Variants in OLA1 observed in about 807,000 individuals in gnomAD.
OLA1 encodes obg-like ATPase 1.
In OLA1, 14 loss-of-function variants were observed where a neutral mutation model predicts 48.4. That is an observed-to-expected ratio of 0.29 (90% CI 0.19 to 0.45). OLA1 has a LOEUF of 0.45. Among genes scored for constraint, OLA1 ranks in the 20% least tolerant of loss-of-function variants. The pLI, the probability that OLA1 is intolerant of heterozygous loss-of-function variation, is 1.00. For missense variants in OLA1, 325 were observed against 467.1 expected, an observed-to-expected ratio of 0.70 and a Z score of 2.80; for synonymous variants, 127 against 150.4, an observed-to-expected ratio of 0.84 and a Z score of 1.14.
chr2:174,076,603 G>A (rs1558942079), intron 10 of OLA1, among the ~76,000 whole-genome samples: 1 of 151,976 alleles, frequency 6.6e-6, no homozygotes, highest in Non-Finnish European at 1.5e-5. Flanking sequence ...CAACAAACCA[G>A]ATTGCAGAGC....
At chr2:174,185,620 A>T (rs1326629696) in intron 4 of OLA1, among the ~76,000 whole-genome samples, 1 of 152,134 alleles carries the variant, frequency 6.6e-6, no homozygotes, top group Non-Finnish European at 1.5e-5. Context: ...TTACACAAAC[A>T]AACTGATCTT....
At chr2:174,160,583 T>C (rs1347151916) in intron 4 of OLA1, among the ~76,000 whole-genome samples, 1 of 152,184 alleles carries the variant, frequency 6.6e-6, no homozygotes, top group African/African-American at 2.4e-5. Context: ...TGCCAATATA[T>C]TAAAAATAAG....
intron 5 of OLA1, among the ~76,000 whole-genome samples, chr2:174,134,499 A>T (rs2105375149): frequency 6.6e-6 from 1 of 152,286 alleles, no homozygotes; most frequent in East Asian, 1.9e-4. Context: ...GTATTATAAC[A>T]TTTTTACTCC....
At chr2:174,084,190 G>T (rs1434104927) in intron 7 of OLA1, among the ~76,000 whole-genome samples, 1 of 152,190 alleles carries the variant, frequency 6.6e-6, no homozygotes, top group African/African-American at 2.4e-5. Flanking sequence ...ATCTCAAAGT[G>T]TTGACAGATG....
chr2:174,203,719 T>C (rs1013986920), intron 4 of OLA1, among the ~76,000 whole-genome samples: 3 of 152,146 alleles, frequency 2.0e-5, no homozygotes, highest in African/African-American at 7.2e-5. Flanking sequence ...TTATTTTATT[T>C]TACTGAAATA....
At chr2:174,125,191 A>G (rs947070473) in intron 5 of OLA1, among the ~76,000 whole-genome samples, 4 of 152,244 alleles carry the variant, frequency 2.6e-5, no homozygotes, top group Non-Finnish European at 1.5e-5. Flanking sequence ...TTGGCACTGC[A>G]TATACAACCT....
intron 7 of OLA1, among the ~76,000 whole-genome samples, chr2:174,095,263 C>T (rs1185951711): frequency 6.6e-6 from 1 of 151,144 alleles, no homozygotes; most frequent in African/African-American, 2.4e-5. Flanking sequence ...CTTTTACATT[C>T]CTACCAGTAC....
intron 4 of OLA1, among the ~76,000 whole-genome samples, chr2:174,218,603 T>A (rs912252261): frequency 6.6e-6 from 1 of 152,200 alleles, no homozygotes; most frequent in Admixed American, 6.5e-5. Context: ...CTGCACATAT[T>A]CAAACAAGAA....
intron 4 of OLA1, among the ~76,000 whole-genome samples, chr2:174,203,459 T>C (rs1202901406): frequency 7.3e-6 from 1 of 136,520 alleles, no homozygotes; most frequent in African/African-American, 2.7e-5. Flanking sequence ...ACTGTCTAGC[T>C]AACATCTTTT....
chr2:174,157,576 G>A (rs1686916608), intron 4 of OLA1, among the ~76,000 whole-genome samples: 1 of 152,208 alleles, frequency 6.6e-6, no homozygotes, highest in African/African-American at 2.4e-5. Context: ...TTTGAAACTA[G>A]TGTTTAAATG....
chr2:174,212,165 T>C (rs768715648), intron 4 of OLA1, among the ~76,000 whole-genome samples: 1 of 152,218 alleles, frequency 6.6e-6, no homozygotes, highest in Non-Finnish European at 1.5e-5. Context: ...CTAGATGGTA[T>C]AACCTACTAC....
chr2:174,181,113 T>C (rs1687523281), intron 4 of OLA1, among the ~76,000 whole-genome samples: 1 of 152,134 alleles, frequency 6.6e-6, no homozygotes, highest in East Asian at 1.9e-4. Context: ...CATTCTAGTA[T>C]GGCAAAACAA....
intron 2 of OLA1, among the ~76,000 whole-genome samples, chr2:174,239,189 T>C (rs1279584063): frequency 6.6e-6 from 1 of 152,110 alleles, no homozygotes; most frequent in Non-Finnish European, 1.5e-5. Flanking sequence ...TCAGTAAGAA[T>C]CAATAACACA....
chr2:174,166,486 C>T (rs1687168332), intron 4 of OLA1, among the ~76,000 whole-genome samples: 1 of 152,148 alleles, frequency 6.6e-6, no homozygotes, highest in African/African-American at 2.4e-5. Flanking sequence ...CATGAACTCT[C>T]AACAGCAATA....
chr2:174,161,844 A>G (rs1687020946), intron 4 of OLA1, among the ~76,000 whole-genome samples: 1 of 152,182 alleles, frequency 6.6e-6, no homozygotes, highest in Non-Finnish European at 1.5e-5. Context: ...AAAAATTTCT[A>G]GCAATGAAAC....
rs114535747 is a variant in OLA1, at chr2:174,110,447, C to T, written c.728+12733G>A. ...TATTACAGATGTGAGACACCGTGCC[C>T]GGCCAATTTTTTTTTGAGACAGGGT... On this transcript the variant is annotated intron_variant, in intron 7 of 10. Coordinates refer to ENST00000284719, the MANE Select transcript of OLA1 (RefSeq NM_013341.5). 2.0e-3 allele frequency among the ~76,000 whole-genome samples: 294 copies of T among 150,738 alleles called. 1 individual carries two copies. The highest frequency in any genetic ancestry group is 6.8e-3 in the African/African-American group (279 of 41,018).
chr2:174,110,244 CTCT>C (rs1483628993), intron 7 of OLA1, among the ~76,000 whole-genome samples: 1 of 150,188 alleles, frequency 6.7e-6, no homozygotes, highest in African/African-American at 2.5e-5. Context: ...TCAAATGATT[CTCT>C]TATGTTTCAG....
intron 2 of OLA1, among the ~76,000 whole-genome samples, chr2:174,237,181 T>G (rs975113779): frequency 1.4e-5 from 2 of 147,596 alleles, no homozygotes; most frequent in Admixed American, 1.4e-4. Context: ...TTAAAATGTG[T>G]GCTTTTTTTA....
At chr2:174,222,821 C>A (rs1688536776) in intron 4 of OLA1, among the ~76,000 whole-genome samples, 1 of 152,196 alleles carries the variant, frequency 6.6e-6, no homozygotes, top group African/African-American at 2.4e-5. Flanking sequence ...AGAATATAAT[C>A]TCAATGCAGC....
Sources: gnomAD v4.1 joint callset for allele counts (sites outside exome capture counted in the v4.1 genomes callset) on GRCh38, gnomAD v4.1.1 for gene constraint, MANE v1.5 for transcripts, NCBI Gene and HGNC (gene_info 2026-07-23, HGNC 2026-07-21) for gene names.